MNAT1: variants seen among roughly 807,000 people sequenced by gnomAD.
MNAT1 encodes the protein CDK-activating kinase assembly factor MAT1.
In MNAT1, 43 loss-of-function variants were observed where a neutral mutation model predicts 42.0. The observed-to-expected ratio is 1.02, with a 90% CI of 0.80 to 1.32. The LOEUF (loss-of-function observed/expected upper bound fraction) is 1.32. Among genes scored for constraint, MNAT1 ranks in the 40% most tolerant of loss-of-function variants. MNAT1 has a pLI of 0.00. For synonymous variants in MNAT1, 118 were observed against 120.0 expected (o/e 0.98, Z 0.11); for missense variants, 306 against 350.4 (o/e 0.87, Z 1.01).
At chr14:60,742,659 C>T (rs1896508457) in intron 1 of MNAT1, among the ~76,000 whole-genome samples, 1 of 152,164 alleles carries the variant, frequency 6.6e-6, no homozygotes, top group South Asian at 2.1e-4. Context: ...CCTCAACTCC[C>T]CCCTCCCATA....
chr14:60,933,091 T>C (rs2035921519), intron 7 of MNAT1, among the ~76,000 whole-genome samples: 1 of 152,030 alleles, frequency 6.6e-6, no homozygotes, highest in African/African-American at 2.4e-5. Flanking sequence ...AGATATCTAA[T>C]GGGGTTGTTT....
intron 7 of MNAT1, among the ~76,000 whole-genome samples, chr14:60,884,917 G>A (rs927824496): frequency 2.0e-5 from 3 of 151,888 alleles, no homozygotes; most frequent in African/African-American, 2.4e-5. Context: ...TTGTTTGTCC[G>A]GGAAAGTCTT....
intron 6 of MNAT1, among the ~76,000 whole-genome samples, chr14:60,852,782 A>G (rs992453718): frequency 1.3e-5 from 2 of 151,984 alleles, no homozygotes; most frequent in African/African-American, 4.8e-5. Flanking sequence ...AGTTTTCCCA[A>G]CACCATTTAT....
chr14:60,831,398 A>C (rs1041569023), intron 6 of MNAT1, among the ~76,000 whole-genome samples: 1 of 151,536 alleles, frequency 6.6e-6, no homozygotes, highest in East Asian at 1.9e-4. Flanking sequence ...TCATTGTTCA[A>C]CTCCCACTTA....
chr14:60,962,351 A>G (rs981257523), intron 7 of MNAT1, among the ~76,000 whole-genome samples: 1 of 152,166 alleles, frequency 6.6e-6, no homozygotes, highest in Admixed American at 6.5e-5. Context: ...TCATGGCTCT[A>G]TCTATCTCAT....
chr14:60,800,553 A>C (rs1181800249), intron 3 of MNAT1, among the ~76,000 whole-genome samples: 1 of 152,174 alleles, frequency 6.6e-6, no homozygotes, highest in African/African-American at 2.4e-5. Context: ...AAACCAGAAA[A>C]CAGAAAAGGA....
chr14:60,909,466 A>G (rs1594859492), intron 7 of MNAT1, among the ~76,000 whole-genome samples: 3 of 152,118 alleles, frequency 2.0e-5, no homozygotes, highest in Admixed American at 2.0e-4. Flanking sequence ...GATCTAACAT[A>G]TAAGTCTTTA....
At chr14:60,907,640 G>C (rs1337533928) in intron 7 of MNAT1, among the ~76,000 whole-genome samples, 1 of 151,318 alleles carries the variant, frequency 6.6e-6, no homozygotes, top group Admixed American at 6.6e-5. Flanking sequence ...AAATTAGCAG[G>C]GCATGGTGGT....
intron 1 of MNAT1, among the ~76,000 whole-genome samples, chr14:60,781,253 TAA>T (rs925285206): frequency 4.6e-5 from 7 of 152,150 alleles, no homozygotes; most frequent in African/African-American, 1.7e-4. Context: ...AGTGAGGAAA[TAA>T]GTTTGTTAAA....
At chr14:60,770,364 T>C (rs752589096) in intron 1 of MNAT1, among the ~76,000 whole-genome samples, 2 of 152,214 alleles carry the variant, frequency 1.3e-5, no homozygotes, top group Non-Finnish European at 2.9e-5. Flanking sequence ...TCTTGACTGT[T>C]GTGTTAATGC....
chr14:60,829,727 A>C (rs539819891), intron 6 of MNAT1, among the ~76,000 whole-genome samples: 3 of 152,316 alleles, frequency 2.0e-5, no homozygotes, highest in Middle Eastern at 3.4e-3. Flanking sequence ...GGGTAACATT[A>C]AAGGTGCTTG....
At chr14:60,900,050 C>CTCTCTA (rs2035041362) in intron 7 of MNAT1, among the ~76,000 whole-genome samples, 2 of 132,848 alleles carry the variant, frequency 1.5e-5, no homozygotes, top group African/African-American at 5.7e-5. Context: ...GTTTCCCCAT[C>CTCTCTA]TCTCTCTCTC....
chr14:60,925,874 G>T (rs1259078221), intron 7 of MNAT1, among the ~76,000 whole-genome samples: 1 of 152,036 alleles, frequency 6.6e-6, no homozygotes, highest in African/African-American at 2.4e-5. Context: ...TTCACATTTG[G>T]CAGAATATAA....
At chr14:60,838,711 C>A (rs555158518) in intron 6 of MNAT1, among the ~76,000 whole-genome samples, 2 of 151,586 alleles carry the variant, frequency 1.3e-5, no homozygotes, top group Non-Finnish European at 2.9e-5. Flanking sequence ...CTGGCAGCTG[C>A]AGCTGCCCAC....
chr14:60,887,254 T>C (rs2034698504), intron 7 of MNAT1, among the ~76,000 whole-genome samples: 1 of 152,076 alleles, frequency 6.6e-6, no homozygotes, highest in South Asian at 2.1e-4. Flanking sequence ...ATTTTATTAT[T>C]ATGCTTTAAG....
chr14:60,840,817 C>T (rs144166433), intron 6 of MNAT1, among the ~76,000 whole-genome samples: 2,165 of 152,246 alleles, frequency 0.014, 18 homozygotes, highest in Middle Eastern at 0.045. Flanking sequence ...GCATGTGCCA[C>T]CATACCCGGC....
At chr14:60,752,198 G>A (rs115735917) in intron 1 of MNAT1, among the ~76,000 whole-genome samples, 178 of 152,042 alleles carry the variant, frequency 1.2e-3, no homozygotes, top group African/African-American at 4.2e-3. Context: ...GAATGGATTT[G>A]GAATAGAAGA....
intron 1 of MNAT1, among the ~76,000 whole-genome samples, chr14:60,789,676 C>T (rs1325293589): frequency 6.6e-6 from 1 of 152,116 alleles, no homozygotes; most frequent in African/African-American, 2.4e-5. Context: ...GGGCTTTGAG[C>T]CTCTAATGTC....
At chr14:60,914,054 C>T (rs2035454216) in intron 7 of MNAT1, among the ~76,000 whole-genome samples, 1 of 152,200 alleles carries the variant, frequency 6.6e-6, no homozygotes, top group South Asian at 2.1e-4. Flanking sequence ...CTCGCTGCCG[C>T]CTTGCAGTTT....
Sources: allele counts gnomAD v4.1 joint callset (sites outside exome capture counted in the v4.1 genomes callset), GRCh38; gene constraint gnomAD v4.1.1; transcripts MANE v1.5; gene names NCBI Gene and HGNC (gene_info 2026-07-23, HGNC 2026-07-21).